LRPAP1: variants seen among roughly 807,000 people sequenced by gnomAD.
The protein encoded by LRPAP1 is alpha-2-macroglobulin receptor-associated protein.
Under a neutral mutation model 39.9 loss-of-function variants are expected in LRPAP1, and 41 were observed. That is an observed-to-expected ratio of 1.03 (90% confidence interval 0.80 to 1.33). The LOEUF is 1.33. Among genes scored for constraint, LRPAP1 ranks in the 40% most tolerant of loss-of-function variants. The pLI is 0.00. For synonymous variants in LRPAP1, 263 were observed against 212.7 expected, an observed-to-expected ratio of 1.24 and a Z score of -2.06; for missense variants, 565 against 482.3, an observed-to-expected ratio of 1.17 and a Z score of -1.61.
At position 3,530,645 on chromosome 4, in the gene LRPAP1, C is replaced by T. The variant is rs374253657; in HGVS notation, c.204+1564G>A. ...AAGACTGAAACTGGTCAGGCGAGCA[C>T]CCAGCACCGGGGGACAGTGCAGGGG... On this transcript the variant is annotated intron_variant, in intron 1 of 7. Coordinates refer to ENST00000650182, the MANE Select transcript of LRPAP1 (RefSeq NM_002337.4). 1.6e-4 allele frequency among the ~76,000 whole-genome samples: 24 copies of T among 152,294 alleles called. 1 individual carries two copies. The East Asian group carries it at 3.9e-3, about 25-fold the overall frequency.
chr4:3,524,913 G>A lies in LRPAP1; in HGVS notation c.343C>T (p.Leu115Phe), dbSNP rs559706967. The A allele has an allele frequency of 1.2e-6, 2 of 1,614,200 alleles. No homozygotes were observed. Among genetic ancestry groups the A allele is most frequent in the Non-Finnish European group, 1.7e-6 (2 of 1,180,014 alleles). The stretch of plus-strand genomic sequence containing the variant: ...AGGAAAGAAACAAACGTACCATTGA[G>A]GTTGCGTATGAGTCTCGCTTCCTTC... Reference protein sequence around the residue: ...GEKEARLIRNLNVILAKYGLD... With the variant: ...GEKEARLIRNFNVILAKYGLD... Residue 115 changes from leucine (L) to phenylalanine (F), a missense_variant, in exon 2 of 8, where the codon CTC becomes TTC. By Grantham distance (22) the Leu-to-Phe change is conservative. Transcript: ENST00000650182.
chr4:3,518,806 G>T, intron 4 of LRPAP1, 65 bp downstream of exon 4: 2 of 1,136,800 alleles, frequency 1.8e-6, no homozygotes, highest in Non-Finnish European at 2.5e-6. Context: ...AGCCTCAGGT[G>T]CAGGAGGGGT....
chr4:3,528,151 T>C (rs73197151), intron 1 of LRPAP1, among the ~76,000 whole-genome samples: 4,497 of 152,218 alleles, frequency 0.03, 103 homozygotes, highest in Middle Eastern at 0.078. Context: ...CTTTCACCTC[T>C]CTCAAGTTAA....
intron 6 of LRPAP1, among the ~76,000 whole-genome samples, chr4:3,515,445 CCCCTTTCTGGGGGAGGTGCTAAGGG>C (rs1265787634): frequency 6.6e-6 from 1 of 152,230 alleles, no homozygotes; most frequent in African/African-American, 2.4e-5. Flanking sequence ...AAGCTCCTGA[CCCCTTTCTGGGGGAGGTGCTAAGGG>C]CCCTTCCTGG....
intron 1 of LRPAP1, among the ~76,000 whole-genome samples, chr4:3,525,427 G>C (rs1577210716): frequency 6.6e-6 from 1 of 150,974 alleles, no homozygotes; most frequent in East Asian, 2.0e-4. Flanking sequence ...GATACATATT[G>C]CAAGGACACA....
intron 7 of LRPAP1, 125 bp downstream of exon 7, chr4:3,514,627 C>G: frequency 7.8e-7 from 1 of 1,278,130 alleles, no homozygotes; most frequent in Non-Finnish European, 1.1e-6. Flanking sequence ...GGGTTCAACT[C>G]GGACAGGGAA....
chr4:3,514,841 C>T lies in LRPAP1; in HGVS notation c.922G>A (p.Ala308Thr), dbSNP rs760537405. Residue 308 changes from alanine to threonine, a missense_variant, in exon 7 of 8, where the codon GCA becomes ACA. Physicochemically the swap from Ala to Thr is moderately conservative, Grantham distance 58. Coordinates refer to ENST00000650182, the MANE Select transcript of LRPAP1 (RefSeq NM_002337.4). ...CGCTCGCCGTCGCCCACGCTCTCTGCGTGCCTCAGCTTCTCGTGCGCAATC... is the reference window on the plus strand; with the variant it reads ...CGCTCGCCGTCGCCCACGCTCTCTGTGTGCCTCAGCTTCTCGTGCGCAATC... ...LEIAHEKLRH[A>T]ESVGDGERVS... is the part of the protein sequence containing the mutation. The T allele has an allele frequency of 9.9e-6, 16 of 1,613,658 alleles. No homozygotes were observed. The highest frequency in any genetic ancestry group is 4.0e-5 in the African/African-American group (3 of 74,944).
chr4:3,515,200 C>T lies in LRPAP1; in HGVS notation c.835-272G>A, dbSNP rs531251403. On this transcript the variant is annotated intron_variant, in intron 6 of 7. Coordinates refer to ENST00000650182, the MANE Select transcript of LRPAP1 (RefSeq NM_002337.4). The stretch of plus-strand genomic sequence containing the variant: ...CCCCGAATCTAGGGGGCCTCCAGCT[C>T]GTTCCCAGCCAGACCCCATGTCCAG... Among the ~76,000 whole-genome samples the T allele has an allele frequency of 4.6e-5, 7 of 152,292 alleles. No homozygotes were observed. The East Asian group carries it at 9.7e-4, about 21-fold the overall frequency.
At position 3,518,048 on chromosome 4, in the gene LRPAP1, T is replaced by C. The variant is rs770212678; in HGVS notation, c.737A>G (p.Tyr246Cys). The C allele has an allele frequency of 5.6e-6, 9 of 1,610,204 alleles. No homozygotes were observed. In the Admixed American group the frequency reaches 8.3e-5, roughly 15 times the overall value. The change falls in exon 5 of 8, where the codon TAC becomes TGC. Residue 246 changes from tyrosine to cysteine, a missense_variant. By Grantham distance (194) the Tyr-to-Cys change is radical (BLOSUM62 -2). Transcript: ENST00000650182. ...DRLRRVSHQGYSTEAEFEEPR... is the reference protein window; with the variant it reads ...DRLRRVSHQGCSTEAEFEEPR... ...CGGGCACTCACCAGCCTCAGTGCTG[T>C]AGCCCTGGTGGCTGACCCTGCGCAG...
At position 3,514,957 on chromosome 4, in the gene LRPAP1, T is replaced by A. The variant is rs778418782; in HGVS notation, c.835-29A>T. ...GAACAAGGTTTCCATAGGTGAGTGT[T>A]CCCTTCCCGTGCTCGCCACGCCATC... On this transcript the variant is annotated intron_variant, in intron 6 of 7. Coordinates refer to ENST00000650182, the MANE Select transcript of LRPAP1 (RefSeq NM_002337.4). The A allele has an allele frequency of 7.5e-6, 12 of 1,608,114 alleles. No individual in the cohort carries two copies. In the Admixed American group the frequency reaches 1.8e-4, roughly 25 times the overall value.
At position 3,525,999 on chromosome 4, in the gene LRPAP1, G is replaced by C. The variant is rs375895126; in HGVS notation, c.205-948C>G. ...AGGCTAGCCCTTCAGGGAAGCGAAG[G>C]CTCTTCCGTGCAGAGCAGAGTGGCC... On this transcript the variant is annotated intron_variant, in intron 1 of 7. Coordinates refer to ENST00000650182, the MANE Select transcript of LRPAP1 (RefSeq NM_002337.4). Among the ~76,000 whole-genome samples, 143 of 152,338 alleles carry C rather than the reference G, an allele frequency of 9.4e-4. 1 individual carries two copies. The East Asian group carries it at 0.022, about 23-fold the overall frequency.
At chr4:3,530,442 C>T (rs920952118) in intron 1 of LRPAP1, among the ~76,000 whole-genome samples, 4 of 152,218 alleles carry the variant, frequency 2.6e-5, no homozygotes, top group Admixed American at 2.0e-4. Context: ...CCCTCACCCC[C>T]GAAGAACTTC....
Position 3,510,673 on chromosome 4 carries a change from G to A in LRPAP1, c.*2301C>T, listed in dbSNP as rs904326282. 5 of 152,302 alleles carry A rather than the reference G, an allele frequency of 3.3e-5. No homozygotes were observed. The highest frequency in any genetic ancestry group is 1.9e-4 in the East Asian group (1 of 5,202). 9.4% of individuals were successfully genotyped at this position (152,302 alleles called of 1,614,324 possible). On this transcript the variant is annotated 3_prime_UTR_variant, in exon 8 of 8. Coordinates refer to ENST00000650182, the MANE Select transcript of LRPAP1 (RefSeq NM_002337.4). Reference sequence around the variant, plus strand: ...ACACCCACACAACAGGCCGCCACGCGGCAATCAGGAGTCTGCCGCTGATCC... The same window carrying A: ...ACACCCACACAACAGGCCGCCACGCAGCAATCAGGAGTCTGCCGCTGATCC...
Position 3,504,343 on chromosome 4 carries a change from G to A in LRPAP1, c.*8631C>T, listed in dbSNP as rs1477849640. ...CACTTAACAGTTCAGGCCGGGCACAGAAGCTCATGCCTGTAATCCCAGCAC... is the reference window on the plus strand; with the variant it reads ...CACTTAACAGTTCAGGCCGGGCACAAAAGCTCATGCCTGTAATCCCAGCAC... On this transcript the variant is annotated 3_prime_UTR_variant, in exon 8 of 8. Coordinates refer to ENST00000650182, the MANE Select transcript of LRPAP1 (RefSeq NM_002337.4). 2 of 152,280 alleles carry A rather than the reference G, an allele frequency of 1.3e-5. No homozygotes were observed. The highest frequency in any genetic ancestry group is 2.4e-5 in the African/African-American group (1 of 41,464). 9.4% of individuals were successfully genotyped at this position (152,280 alleles called of 1,614,324 possible).
At chr4:3,521,044 T>C (rs866454742) in intron 2 of LRPAP1, among the ~76,000 whole-genome samples, 4 of 152,164 alleles carry the variant, frequency 2.6e-5, no homozygotes, top group African/African-American at 9.6e-5. Context: ...GCAGTAGCTC[T>C]CCCCAGGCCC....
At chr4:3,519,166 G>A (rs73793985) in intron 3 of LRPAP1, among the ~76,000 whole-genome samples, 175 bp from the exon 4 acceptor site, 1,530 of 152,320 alleles carry the variant, frequency 0.01, 28 homozygotes, top group African/African-American at 0.035. Context: ...AGAGCTGCCG[G>A]CAGGCAACCA....
rs981507773 is a variant in LRPAP1, at chr4:3,505,618, AG to A, written c.*7355del. 1.3e-5 allele frequency among the ~76,000 whole-genome samples: 2 copies of A among 152,108 alleles called. No homozygotes were observed. Among genetic ancestry groups the A allele is most frequent in the African/African-American group, 4.8e-5 (2 of 41,414 alleles). On this transcript the variant is annotated 3_prime_UTR_variant, in exon 8 of 8. Coordinates refer to ENST00000650182, the MANE Select transcript of LRPAP1 (RefSeq NM_002337.4). ...CACACGCCTCCTGAGCACCACTACCAGCTACCCCAAGCCCGTCTATACCAGC... is the reference window on the plus strand; with the variant it reads ...CACACGCCTCCTGAGCACCACTACCACTACCCCAAGCCCGTCTATACCAGC...
rs760060726 is a variant in LRPAP1 at position 3,524,889 on chromosome 4, G to T, written c.349+18C>A. Reference sequence around the variant, plus strand: ...GAAGAGGGATACTCGACCTGCATTAGGAAAGAAACAAACGTACCATTGAGG... The same window carrying T: ...GAAGAGGGATACTCGACCTGCATTATGAAAGAAACAAACGTACCATTGAGG... On this transcript the variant is annotated intron_variant, in intron 2 of 7. Coordinates refer to ENST00000650182, the MANE Select transcript of LRPAP1 (RefSeq NM_002337.4). 3.1e-6 allele frequency: 5 copies of T among 1,612,172 alleles called. No individual in the cohort carries two copies. Among genetic ancestry groups the T allele is most frequent in the Non-Finnish European group, 4.2e-6 (5 of 1,178,240 alleles).
Position 3,512,913 on chromosome 4 carries a change from G to T in LRPAP1, c.*61C>A. On this transcript the variant is annotated 3_prime_UTR_variant, in exon 8 of 8. Transcript: ENST00000650182. The stretch of plus-strand genomic sequence containing the variant: ...GCGGGCTGTCCACGGAAATGCCACG[G>T]CCAAGAGCCCAGGTCCTTCACGCTG... 1 of 1,495,118 alleles carries T rather than the reference G, an allele frequency of 6.7e-7. No individual in the cohort carries two copies. The highest frequency in any genetic ancestry group is 9.1e-7 in the Non-Finnish European group (1 of 1,099,212). The allele number at this position is 1,495,118 out of a possible 1,614,324, so 92.6% of individuals were successfully genotyped here.
Sources: gnomAD v4.1 joint callset for allele counts (sites outside exome capture counted in the v4.1 genomes callset) on GRCh38, gnomAD v4.1.1 for gene constraint, MANE v1.5 for transcripts, NCBI Gene and HGNC (gene_info 2026-07-23, HGNC 2026-07-21) for gene names.